The following SUN1 variants were observed in gnomAD, a reference collection of about 807,000 sequenced individuals.
The protein encoded by SUN1 is Sad1 and UNC84 domain containing 1, also known as SUN domain-containing protein 1.
In SUN1, 61 loss-of-function variants were observed where a neutral mutation model predicts 103.2. That is an observed-to-expected ratio of 0.59 (90% CI 0.48 to 0.73). SUN1 has a LOEUF of 0.73. Among genes scored for constraint, SUN1 ranks in the 30% least tolerant of loss-of-function variants. SUN1 has a pLI of 0.00. For synonymous variants in SUN1, 490 were observed against 425.7 expected (o/e 1.15, Z -1.86); for missense variants, 1,052 against 1,034.6 (o/e 1.02, Z -0.23).
intron 1 of SUN1, among the ~76,000 whole-genome samples, chr7:836,138 T>C (rs1042650245): frequency 4.6e-5 from 7 of 152,042 alleles, no homozygotes; most frequent in African/African-American, 1.7e-4. Context: ...GGGGAAGTTG[T>C]TTTTTACCGT....
chr7:828,296 G>C (rs747870063), upstream of SUN1, among the ~76,000 whole-genome samples: 12 of 151,670 alleles, frequency 7.9e-5, no homozygotes, highest in Non-Finnish European at 1.5e-4. Flanking sequence ...TTTTGAGACA[G>C]AGTCTCACTC....
chr7:867,604 C>T (rs1356059854), intron 16 of SUN1, among the ~76,000 whole-genome samples: 4 of 152,240 alleles, frequency 2.6e-5, no homozygotes, highest in Non-Finnish European at 5.9e-5. Context: ...ACAGTTCTCT[C>T]TCAGAAGGAA....
intron 5 of SUN1, among the ~76,000 whole-genome samples, chr7:845,226 C>G (rs963126592): frequency 3.3e-5 from 5 of 152,160 alleles, no homozygotes; most frequent in Non-Finnish European, 7.3e-5. Flanking sequence ...TTGAGTGTAT[C>G]TTTAGATGGA....
At chr7:832,017 C>A, upstream of SUN1, 1 of 987,114 alleles carries the variant, frequency 1.0e-6, no homozygotes, top group South Asian at 4.7e-5. Flanking sequence ...ATTCACCCTG[C>A]AGTTTCTTTT....
upstream of SUN1, among the ~76,000 whole-genome samples, chr7:829,103 A>G (rs1425135001): frequency 6.6e-6 from 1 of 152,272 alleles, no homozygotes; most frequent in African/African-American, 2.4e-5. Context: ...ACATCTATGC[A>G]GAATGTCAAC....
chr7:823,652 C>T (rs1040172388), intron 1 of SUN1, among the ~76,000 whole-genome samples: 4 of 152,142 alleles, frequency 2.6e-5, no homozygotes, highest in Non-Finnish European at 5.9e-5. Flanking sequence ...TCTGTGCGAA[C>T]AAGGTAGGCA....
At chr7:872,068 CCCT>C (rs984524173) in intron 17 of SUN1, among the ~76,000 whole-genome samples, 4 of 152,186 alleles carry the variant, frequency 2.6e-5, no homozygotes, top group Non-Finnish European at 4.4e-5. Context: ...CTTCTGTGGC[CCCT>C]CCTCCTGCTG....
rs1354305341 is a variant in SUN1 at position 832,583 on chromosome 7, G to T, written c.59G>T (p.Gly20Val). The T allele has an allele frequency of 1.2e-6, 2 of 1,612,250 alleles. No individual in the cohort carries two copies. The highest frequency in any genetic ancestry group is 1.3e-5 in the African/African-American group (1 of 74,912). ...CCCCAGTGTGTGCCGGAGAACACGG[G>T]CTACACGTATGCGCTCAGGTGAGTG... ...SPPQCVPENT[G>V]YTYALSSSYS... Residue 20 changes from glycine to valine, a missense_variant, in exon 1 of 19, where the codon GGC becomes GTC. Physicochemically the swap from Gly to Val is moderately radical, Grantham distance 109. Coordinates refer to ENST00000401592, the MANE Select transcript of SUN1 (RefSeq NM_001130965.3).
chr7:834,231 G>C (rs1473702991), intron 1 of SUN1, among the ~76,000 whole-genome samples: 2 of 152,140 alleles, frequency 1.3e-5, no homozygotes, highest in Admixed American at 1.3e-4. Context: ...GCCGGATGGT[G>C]TAGGCTGGGC....
At chr7:852,481 A>C in intron 7 of SUN1, 128 bp from the exon 8 acceptor site, 1 of 1,122,204 alleles carries the variant, frequency 8.9e-7, no homozygotes, top group Non-Finnish European at 1.3e-6. Flanking sequence ...CCTTGTAGAT[A>C]AAACCGTAAC....
intron 15 of SUN1, among the ~76,000 whole-genome samples, chr7:862,907 T>G (rs1833304342): frequency 6.6e-6 from 1 of 152,192 alleles, no homozygotes; most frequent in East Asian, 1.9e-4. Flanking sequence ...ATCCCAGCAC[T>G]TTAGGAGACC....
intron 16 of SUN1, among the ~76,000 whole-genome samples, chr7:867,268 C>T (rs1252713571): frequency 4.6e-5 from 7 of 152,270 alleles, no homozygotes; most frequent in Non-Finnish European, 8.8e-5. Context: ...GACGCAGCCT[C>T]TGCTGCCACG....
intron 12 of SUN1, among the ~76,000 whole-genome samples, chr7:856,994 T>C (rs1828093890): frequency 6.6e-6 from 1 of 152,182 alleles, no homozygotes; most frequent in African/African-American, 2.4e-5. Flanking sequence ...CTGGGGAAGC[T>C]GGCATTTTGC....
chr7:863,820 A>G (rs1834158971), intron 15 of SUN1, among the ~76,000 whole-genome samples: 1 of 152,206 alleles, frequency 6.6e-6, no homozygotes, highest in Non-Finnish European at 1.5e-5. Flanking sequence ...TCTCTCTAGC[A>G]GTAGTGGGGG....
intron 3 of SUN1, 104 bp downstream of exon 3, chr7:842,234 T>A (rs1810761992): frequency 7.8e-7 from 1 of 1,281,512 alleles, no homozygotes; most frequent in African/African-American, 1.5e-5. Flanking sequence ...TTTGCATGGA[T>A]TATGCTAGGG....
chr7:866,000 C>A lies in SUN1; in HGVS notation c.1913C>A (p.Thr638Lys), dbSNP rs539468692. 1.5e-5 allele frequency: 25 copies of A among 1,614,152 alleles called. No individual in the cohort carries two copies. In the East Asian group the frequency reaches 4.5e-4, roughly 29 times the overall value. Residue 638 changes from threonine (T) to lysine (K), a missense_variant, in exon 16 of 19, where the codon ACG becomes AAG. Coordinates refer to ENST00000401592, the MANE Select transcript of SUN1 (RefSeq NM_001130965.3). ...TGTTCTGAAACTTACGAAACCAAAA[C>A]GGCGCTGATGAGTCTGTTTGGGATC... is the stretch of plus-strand genomic sequence containing the variant. Reference protein sequence around the residue: ...TRCSETYETKTALMSLFGIPL... With the variant: ...TRCSETYETKKALMSLFGIPL...
chr7:839,009 T>C (rs751541373), intron 2 of SUN1, 23 bp downstream of exon 2: 23 of 1,513,016 alleles, frequency 1.5e-5, no homozygotes, highest in Non-Finnish European at 1.9e-5. Flanking sequence ...GCACTTCCTC[T>C]CCATCTGATC....
In SUN1 at chr7:851,150, C is replaced by CAGAAGTGAGTGA. The variant is rs1295270654; in HGVS notation, c.659-232_659-221dup. 1.2e-5 allele frequency: 4 copies of CAGAAGTGAGTGA among 341,500 alleles called. No individual in the cohort carries two copies. In the Admixed American group the frequency reaches 1.6e-4, roughly 14 times the overall value. 21.2% of individuals were successfully genotyped at this position (341,500 alleles called of 1,614,324 possible). On this transcript the variant is annotated intron_variant, in intron 5 of 18. Transcript: ENST00000401592. ...ATTTTACACCTGAAGTATCTGCAGG[C>CAGAAGTGAGTGA]AGAAGTGAGTGAAAACTATTAAAAA...
At chr7:851,134 C>T in intron 5 of SUN1, 1 of 298,780 alleles carries the variant, frequency 3.3e-6, no homozygotes, top group Non-Finnish European at 6.3e-6. Context: ...CATTTTACAC[C>T]TGAAGTATCT....
Sources: gnomAD v4.1 joint callset for allele counts (sites outside exome capture counted in the v4.1 genomes callset) on GRCh38, gnomAD v4.1.1 for gene constraint, MANE v1.5 for transcripts, NCBI Gene and HGNC (gene_info 2026-07-23, HGNC 2026-07-21) for gene names.